Variants in PIK3CD observed in about 807,000 individuals in gnomAD.
PIK3CD encodes the protein phosphatidylinositol-4,5-bisphosphate 3-kinase catalytic subunit delta.
PIK3CD carries 20 observed loss-of-function variants against 122.9 expected under a neutral mutation model. That is an observed-to-expected ratio of 0.16 (90% CI 0.11 to 0.24). PIK3CD has a LOEUF of 0.24. Among genes scored for constraint, PIK3CD ranks in the 10% least tolerant of loss-of-function variants. The pLI, the probability that PIK3CD is intolerant of heterozygous loss-of-function variation, is 1.00. For missense variants in PIK3CD, 787 were observed against 1,406.3 expected (o/e 0.56, Z 7.04); for synonymous variants, 596 against 593.4 (o/e 1.00, Z -0.06).
the PIK3CD span, among the ~76,000 whole-genome samples, chr1:9,645,561 C>T: frequency 6.6e-6 from 1 of 150,826 alleles, no homozygotes; most frequent in African/African-American, 2.4e-5. Flanking sequence ...CCTCAGTCTC[C>T]CAAGTAGCTG....
intron 2 of PIK3CD, among the ~76,000 whole-genome samples, chr1:9,701,218 C>T (rs1381521643): frequency 6.6e-6 from 1 of 152,090 alleles, no homozygotes; most frequent in African/African-American, 2.4e-5. Context: ...CCCCTCCGTG[C>T]CCACCACCCC....
chr1:9,678,159 C>A (rs1217696483), intron 1 of PIK3CD, among the ~76,000 whole-genome samples: 10 of 139,986 alleles, frequency 7.1e-5, no homozygotes, highest in Admixed American at 1.4e-4. Context: ...AAAAAAAAAA[C>A]AAAAACAAAA....
At chr1:9,673,469 C>G (rs1469997934) in intron 1 of PIK3CD, among the ~76,000 whole-genome samples, 1 of 152,114 alleles carries the variant, frequency 6.6e-6, no homozygotes. Context: ...CTATGTTGTT[C>G]GGGCTGATCT....
chr1:9,657,271 T>G (rs1343535612), intron 1 of PIK3CD, among the ~76,000 whole-genome samples: 2 of 152,176 alleles, frequency 1.3e-5, no homozygotes, highest in Non-Finnish European at 2.9e-5. Flanking sequence ...AAAGACCCAT[T>G]TTCCACATTA....
At chr1:9,629,770 C>A in the PIK3CD span, among the ~76,000 whole-genome samples, 1 of 152,184 alleles carries the variant, frequency 6.6e-6, no homozygotes, top group South Asian at 2.1e-4. Context: ...CCCTAAGGCT[C>A]CCCCACCCCT....
upstream of PIK3CD, among the ~76,000 whole-genome samples, chr1:9,650,497 G>T: frequency 6.6e-6 from 1 of 151,934 alleles, no homozygotes; most frequent in Non-Finnish European, 1.5e-5. Context: ...CGTGGCGTGT[G>T]CCTGTAATCC....
rs540653472 is a variant in PIK3CD, at chr1:9,693,481, C to T, written c.-33+1910C>T. Reference sequence around the variant, plus strand: ...CTCCTGACCTCAAGGGATCCACCTGCCTCAGCCTCCCAAAGAGCTGGGATT... The same window carrying T: ...CTCCTGACCTCAAGGGATCCACCTGTCTCAGCCTCCCAAAGAGCTGGGATT... On this transcript the variant is annotated intron_variant, in intron 2 of 23. Transcript: ENST00000377346. Among the ~76,000 whole-genome samples, 11 of 152,138 alleles carry T rather than the reference C, an allele frequency of 7.2e-5. No individual in the cohort carries two copies. In the South Asian group the frequency reaches 2.1e-3, roughly 29 times the overall value.
intron 1 of PIK3CD, among the ~76,000 whole-genome samples, chr1:9,674,631 A>G (rs926430479): frequency 1.9e-4 from 28 of 149,144 alleles, no homozygotes; most frequent in Non-Finnish European, 4.1e-4. Context: ...TGGAGGCTGC[A>G]GTGAGCTAAG....
chr1:9,696,263 C>T (rs1456433356), intron 2 of PIK3CD, among the ~76,000 whole-genome samples: 1 of 152,054 alleles, frequency 6.6e-6, no homozygotes, highest in East Asian at 1.9e-4. Flanking sequence ...TGAGCCATGG[C>T]ACTTGGCCCA....
At chr1:9,668,619 C>T (rs999811410) in intron 1 of PIK3CD, among the ~76,000 whole-genome samples, 43 of 152,186 alleles carry the variant, frequency 2.8e-4, no homozygotes, top group African/African-American at 1.0e-3. Flanking sequence ...TTATCCCTCA[C>T]CCTCTCCCAT....
At chr1:9,674,353 C>T (rs1380035637) in intron 1 of PIK3CD, among the ~76,000 whole-genome samples, 4 of 152,138 alleles carry the variant, frequency 2.6e-5, no homozygotes, top group African/African-American at 9.7e-5. Flanking sequence ...GTAATATGTA[C>T]CCTGTGCCAG....
chr1:9,679,063 CTTTTT>C (rs148088382), intron 1 of PIK3CD, among the ~76,000 whole-genome samples: 1 of 116,574 alleles, frequency 8.6e-6, no homozygotes, highest in Admixed American at 8.9e-5. Context: ...TCAGGAGAAA[CTTTTT>C]TTTTTTTTTT....
intron 5 of PIK3CD, 34 bp downstream of exon 5, chr1:9,716,112 G>A: frequency 1.9e-6 from 3 of 1,545,492 alleles, no homozygotes; most frequent in Non-Finnish European, 2.7e-6. Flanking sequence ...CATCCAGGCT[G>A]CTCTGTCCAT....
At chr1:9,694,320 A>C (rs895104550) in intron 2 of PIK3CD, among the ~76,000 whole-genome samples, 10 of 151,964 alleles carry the variant, frequency 6.6e-5, no homozygotes, top group Non-Finnish European at 1.2e-4. Flanking sequence ...TCATCACTTA[A>C]GGCCGGAGTT....
chr1:9,640,481 G>A, the PIK3CD span, among the ~76,000 whole-genome samples: 5 of 125,204 alleles, frequency 4.0e-5, no homozygotes, highest in East Asian at 3.3e-4. Flanking sequence ...TTGGGAGGCC[G>A]AGGCAGGAGA....
At chr1:9,654,600 G>A (rs1644787702) in intron 1 of PIK3CD, 1 of 378,526 alleles carries the variant, frequency 2.6e-6, no homozygotes, top group Non-Finnish European at 5.1e-6. Flanking sequence ...GTGAAAGGGA[G>A]AAGTGAATGT....
chr1:9,701,574 CAGG>C (rs1379823321), intron 2 of PIK3CD, among the ~76,000 whole-genome samples: 1 of 148,650 alleles, frequency 6.7e-6, no homozygotes, highest in Non-Finnish European at 1.5e-5. Context: ...GAGGCTGAGG[CAGG>C]AGAATTGTTT....
At chr1:9,644,818 G>A in the PIK3CD span, among the ~76,000 whole-genome samples, 3 of 151,966 alleles carry the variant, frequency 2.0e-5, no homozygotes, top group Non-Finnish European at 4.4e-5. Context: ...CATCAGCTCT[G>A]GGGCCTTCCG....
rs760374170 is a variant in PIK3CD, at chr1:9,722,406, T to C, written c.2347+50T>C. On this transcript the variant is annotated intron_variant, in intron 18 of 23. Transcript: ENST00000377346. This position sits in a 1 kb window ranked among gnomAD's most constrained non-coding sequence, Gnocchi z 7.6. ...CCGCCTGTACTGCCCTGGGGGGTCCTGGGGTGCTCCTAGAGTGGGGGTGGA... is the reference window on the plus strand; with the variant it reads ...CCGCCTGTACTGCCCTGGGGGGTCCCGGGGTGCTCCTAGAGTGGGGGTGGA... The C allele has an allele frequency of 1.3e-6, 2 of 1,561,784 alleles. No individual in the cohort carries two copies. The highest frequency in any genetic ancestry group is 8.8e-7 in the Non-Finnish European group (1 of 1,135,500).
Sources: gnomAD v4.1 joint callset for allele counts (sites outside exome capture counted in the v4.1 genomes callset) on GRCh38, gnomAD v4.1.1 for gene constraint, Gnocchi (gnomAD v3.1) non-coding constraint, MANE v1.5 for transcripts, NCBI Gene and HGNC (gene_info 2026-07-23, HGNC 2026-07-21) for gene names.